TTLL4: variants seen among roughly 807,000 people sequenced by gnomAD.
TTLL4 encodes the protein tubulin tyrosine ligase like 4, also known as tubulin monoglutamylase TTLL4.
A neutral mutation model predicts 122.7 loss-of-function variants in TTLL4; 85 were observed. The ratio of observed to expected loss-of-function variants is 0.69; its 90% CI spans 0.58 to 0.83. TTLL4 has a LOEUF of 0.83. Among genes scored for constraint, TTLL4 ranks in the 40% least tolerant of loss-of-function variants. The pLI is 0.00. For missense variants in TTLL4, 1,363 were observed against 1,488.6 expected, an observed-to-expected ratio of 0.92 and a Z score of 1.39; for synonymous variants, 553 against 563.0, an observed-to-expected ratio of 0.98 and a Z score of 0.25.
chr2:218,725,393 A>G (rs1169079737), intron 1 of TTLL4, among the ~76,000 whole-genome samples: 2 of 145,314 alleles, frequency 1.4e-5, no homozygotes, highest in South Asian at 2.2e-4. Context: ...CTAATTTTTT[A>G]TGGTTTTTTT....
Position 218,753,263 on chromosome 2 carries a change from G to A in TTLL4, c.3258+78G>A, listed in dbSNP as rs1197083362. 5 of 1,524,894 alleles carry A rather than the reference G, an allele frequency of 3.3e-6. No individual in the cohort carries two copies. The Admixed American group carries it at 6.7e-5, about 20-fold the overall frequency. The allele number at this position is 1,524,894 out of a possible 1,614,324, so 94.5% of individuals were successfully genotyped here. ...GCCTTATGAGTGCAGCAGGAGTTGGGTTGGTATGTATAGGCCTCTCTCACT... is the reference window on the plus strand; with the variant it reads ...GCCTTATGAGTGCAGCAGGAGTTGGATTGGTATGTATAGGCCTCTCTCACT... On this transcript the variant is annotated intron_variant, in intron 18 of 19. Transcript: ENST00000392102.
intron 5 of TTLL4, 117 bp downstream of exon 5, chr2:218,740,701 A>G (rs1942675793): frequency 4.9e-6 from 6 of 1,226,228 alleles, no homozygotes; most frequent in African/African-American, 3.0e-5. Context: ...ATTTTTACCA[A>G]ATTTTTATGT....
chr2:218,710,995 G>C lies in TTLL4; in HGVS notation c.-220G>C, dbSNP rs916261735. 6.6e-6 allele frequency: 1 copy of C among 152,518 alleles called. No individual in the cohort carries two copies. The highest frequency in any genetic ancestry group is 1.5e-5 in the Non-Finnish European group (1 of 68,274). The allele number at this position is 152,518 out of a possible 1,614,324, so 9.4% of individuals were successfully genotyped here. ...GCCCAGCAGGCCGAGGGAGGAAGTAGCGTGGAGCCGGTGCCGAGCCGGGGC... is the reference window on the plus strand; with the variant it reads ...GCCCAGCAGGCCGAGGGAGGAAGTACCGTGGAGCCGGTGCCGAGCCGGGGC... On this transcript the variant is annotated 5_prime_UTR_variant, in exon 1 of 20. Transcript: ENST00000392102.
At chr2:218,748,377 G>A (rs1208230740) in intron 12 of TTLL4, 150 bp downstream of exon 12, 8 of 1,261,104 alleles carry the variant, frequency 6.3e-6, no homozygotes, top group East Asian at 5.3e-5. Flanking sequence ...ATTTGAGGCC[G>A]GATGTGGTGG....
Position 218,745,724 on chromosome 2 carries a change from T to G in TTLL4, c.1820T>G (p.Leu607Arg). Reference protein sequence around the residue: ...EKLPWEQRKLLRWKMSTVTPN... With the variant: ...EKLPWEQRKLRRWKMSTVTPN... The stretch of plus-strand genomic sequence containing the variant: ...CTTCCCTGGGAACAGAGGAAGTTGC[T>G]CCGATGGAAGATGAGCACAGTGACC... The change falls in exon 7 of 20, where the codon CTC (leucine) becomes CGC (arginine). Residue 607 changes from leucine to arginine, a missense_variant. Coordinates refer to ENST00000392102, the MANE Select transcript of TTLL4 (RefSeq NM_014640.5). 1 of 1,612,906 alleles carries G rather than the reference T, an allele frequency of 6.2e-7. No homozygotes were observed. The highest frequency in any genetic ancestry group is 8.5e-7 in the Non-Finnish European group (1 of 1,179,654).
At chr2:218,740,448 G>C (rs1310230966) in intron 4 of TTLL4, 73 bp from the exon 5 acceptor site, 3 of 1,506,004 alleles carry the variant, frequency 2.0e-6, no homozygotes, top group Non-Finnish European at 2.8e-6. Context: ...ATTCAAGGAA[G>C]AGTTGCCTAG....
chr2:218,722,867 T>A (rs1418922372), intron 1 of TTLL4, among the ~76,000 whole-genome samples: 2 of 152,192 alleles, frequency 1.3e-5, no homozygotes, highest in African/African-American at 4.8e-5. Flanking sequence ...GACTTGTTGA[T>A]GGATTAAGTG....
At chr2:218,737,203 CA>C (rs1393235105) in intron 2 of TTLL4, among the ~76,000 whole-genome samples, 1 of 152,144 alleles carries the variant, frequency 6.6e-6, no homozygotes, top group Non-Finnish European at 1.5e-5. Context: ...TTCCTAGCCA[CA>C]CTGGTTTTGG....
At chr2:218,739,200 A>G (rs375699207) in intron 3 of TTLL4, 37 bp downstream of exon 3, 1 of 1,579,768 alleles carries the variant, frequency 6.3e-7, no homozygotes, top group Admixed American at 1.8e-5. Flanking sequence ...TTAGAGCAGT[A>G]GAATGTATAT....
chr2:218,753,235 T>G lies in TTLL4; in HGVS notation c.3258+50T>G, dbSNP rs796412555. ...AGCTCCTTCTCAGGCCCCTCCCTCCTCTGCCTTATGAGTGCAGCAGGAGTT... is the reference window on the plus strand; with the variant it reads ...AGCTCCTTCTCAGGCCCCTCCCTCCGCTGCCTTATGAGTGCAGCAGGAGTT... On this transcript the variant is annotated intron_variant, in intron 18 of 19. Coordinates refer to ENST00000392102, the MANE Select transcript of TTLL4 (RefSeq NM_014640.5). 4 of 1,603,176 alleles carry G rather than the reference T, an allele frequency of 2.5e-6. No individual in the cohort carries two copies. In the African/African-American group the frequency reaches 5.3e-5, roughly 21 times the overall value.
In TTLL4 at chr2:218,747,536, T is replaced by G; in HGVS notation, c.2250-61T>G. The G allele has an allele frequency of 6.3e-7, 1 of 1,598,016 alleles. No individual in the cohort carries two copies. The highest frequency in any genetic ancestry group is 8.5e-7 in the Non-Finnish European group (1 of 1,171,550). ...ACTGTTAGCTGGCTTTTCCTGTGGC[T>G]TGGTTACCCACTGAGCCCCATCATC... On this transcript the variant is annotated intron_variant, in intron 10 of 19. Coordinates refer to ENST00000392102, the MANE Select transcript of TTLL4 (RefSeq NM_014640.5). The surrounding 1 kb of genome is among the most constrained non-coding windows in gnomAD (Gnocchi z 4.7).
At chr2:218,727,505 A>C (rs1267081329) in intron 2 of TTLL4, among the ~76,000 whole-genome samples, 158 bp downstream of exon 2, 2 of 152,072 alleles carry the variant, frequency 1.3e-5, no homozygotes, top group Admixed American at 1.3e-4. Flanking sequence ...TGGGAGGCCA[A>C]GGGGGGTGGA....
At chr2:218,717,865 C>T (rs1233783396) in intron 1 of TTLL4, among the ~76,000 whole-genome samples, 10 of 151,452 alleles carry the variant, frequency 6.6e-5, no homozygotes, top group Non-Finnish European at 1.5e-4. Flanking sequence ...GTGGCACAGT[C>T]TCGGCTCACT....
intron 1 of TTLL4, among the ~76,000 whole-genome samples, chr2:218,719,768 T>C (rs1437020860): frequency 1.3e-5 from 2 of 152,172 alleles, no homozygotes; most frequent in Non-Finnish European, 2.9e-5. Flanking sequence ...GCCACCACAG[T>C]GTTTAGTAAG....
downstream of TTLL4, among the ~76,000 whole-genome samples, chr2:218,756,799 C>T (rs535866424): frequency 2.0e-5 from 3 of 152,246 alleles, no homozygotes; most frequent in South Asian, 6.2e-4. Context: ...GAATGAAGTG[C>T]AGGCTATTTC....
intron 6 of TTLL4, 110 bp from the exon 7 acceptor site, chr2:218,745,581 A>G: frequency 1.3e-6 from 1 of 754,288 alleles, no homozygotes; most frequent in Non-Finnish European, 2.3e-6. Context: ...ATAGTTAGTG[A>G]CTTGCCTGCC....
chr2:218,747,161 GAGC>G lies in TTLL4; in HGVS notation c.2140_2142del (p.Ser714del). The G allele has an allele frequency of 6.2e-7, 1 of 1,614,212 alleles. No individual in the cohort carries two copies. Among genetic ancestry groups the G allele is most frequent in the Non-Finnish European group, 8.5e-7 (1 of 1,180,028 alleles). Reference sequence around the variant, plus strand: ...CCAAGCTCCTGCGCAAAGCGTGGGAGAGCAGCAGCCGCCAAAAGTGGATTGTGA... The same window carrying G: ...CCAAGCTCCTGCGCAAAGCGTGGGAGAGCAGCCGCCAAAAGTGGATTGTGA... On this transcript the variant is annotated inframe_deletion, in exon 9 of 20. Transcript: ENST00000392102. The surrounding 1 kb of genome is among the most constrained non-coding windows in gnomAD (Gnocchi z 4.7).
At chr2:218,745,874 T>C (rs1372637626) in intron 7 of TTLL4, 73 bp downstream of exon 7, 13 of 1,371,158 alleles carry the variant, frequency 9.5e-6, no homozygotes, top group Non-Finnish European at 1.3e-5. Flanking sequence ...GGGAGAGCTC[T>C]AGACACCTCG....
intron 5 of TTLL4, among the ~76,000 whole-genome samples, chr2:218,743,619 C>G (rs1942761383): frequency 1.3e-5 from 2 of 152,094 alleles, no homozygotes; most frequent in Admixed American, 6.6e-5. Context: ...TTTTAAGAAA[C>G]TGCCAAAATT....
Sources: allele counts gnomAD v4.1 joint callset (sites outside exome capture counted in the v4.1 genomes callset), GRCh38; gene constraint gnomAD v4.1.1; non-coding constraint Gnocchi (gnomAD v3.1); transcripts MANE v1.5; gene names NCBI Gene and HGNC (gene_info 2026-07-23, HGNC 2026-07-21).